Variants in ARHGAP21 observed in about 807,000 individuals in gnomAD.
The protein encoded by ARHGAP21 is Rho GTPase activating protein 21.
In ARHGAP21, 38 loss-of-function variants were observed where a neutral mutation model predicts 164.6. That is an observed-to-expected ratio of 0.23 (90% CI 0.18 to 0.30). ARHGAP21 has a LOEUF of 0.30. ARHGAP21 is among the 10% of genes least tolerant of loss of function. ARHGAP21 has a pLI of 1.00. For missense variants in ARHGAP21, 1,822 were observed against 2,370.7 expected (o/e 0.77, Z 4.81); for synonymous variants, 766 against 857.9 (o/e 0.89, Z 1.87).
intron 8 of ARHGAP21, 62 bp from the exon 9 acceptor site, chr10:24,621,431 T>A: frequency 1.4e-6 from 2 of 1,406,374 alleles, no homozygotes; most frequent in Non-Finnish European, 1.9e-6. Flanking sequence ...AATTTCCATT[T>A]TTACAGTGCA....
At chr10:24,631,696 C>T (rs1379529480) in intron 6 of ARHGAP21, among the ~76,000 whole-genome samples, 6 of 152,152 alleles carry the variant, frequency 3.9e-5, no homozygotes, top group Non-Finnish European at 8.8e-5. Context: ...AGATAAACTC[C>T]TGTGCAAGGA....
At chr10:24,710,421 T>G (rs902657571) in intron 2 of ARHGAP21, among the ~76,000 whole-genome samples, 1 of 152,208 alleles carries the variant, frequency 6.6e-6, no homozygotes, top group African/African-American at 2.4e-5. Flanking sequence ...AGATTTTCCC[T>G]GATCTCTACA....
intron 4 of ARHGAP21, among the ~76,000 whole-genome samples, chr10:24,655,851 C>T (rs1323770809): frequency 2.3e-5 from 3 of 131,026 alleles, no homozygotes; most frequent in East Asian, 2.4e-4. Context: ...ATGTGGGGAG[C>T]GCCTCTGCCC....
At position 24,619,790 on chromosome 10, in the gene ARHGAP21, G is replaced by A. The variant is rs370213253; in HGVS notation, c.2105C>T (p.Thr702Ile). The A allele has an allele frequency of 1.9e-6, 3 of 1,614,010 alleles. No individual in the cohort carries two copies. The highest frequency in any genetic ancestry group is 1.3e-5 in the African/African-American group (1 of 74,902). Residue 702 changes from threonine to isoleucine, a missense_variant, in exon 9 of 26, where the codon ACT becomes ATT. By Grantham distance (89) the Thr-to-Ile change is moderately conservative (BLOSUM62 -1). Coordinates refer to ENST00000396432, the MANE Select transcript of ARHGAP21 (RefSeq NM_020824.4). ...ACTGACAGGTAGTTCTAAATCTGAA[G>A]TACCAGCGTTTTCACTCGACTGAGG... ...PAPQSSENAG[T>I]SDLELPVSQR...
intron 2 of ARHGAP21, among the ~76,000 whole-genome samples, chr10:24,673,717 C>A (rs1840935892): frequency 6.6e-6 from 1 of 152,030 alleles, no homozygotes; most frequent in Admixed American, 6.6e-5. Flanking sequence ...CAAAAATTAG[C>A]TGGGTGTGGT....
intron 25 of ARHGAP21, 120 bp from the exon 26 acceptor site, chr10:24,586,226 T>A: frequency 7.8e-7 from 1 of 1,285,308 alleles, no homozygotes. Context: ...CTGGAAGCAT[T>A]AACAGTGCAA....
intron 2 of ARHGAP21, among the ~76,000 whole-genome samples, chr10:24,685,602 G>A (rs1384744251): frequency 6.6e-6 from 1 of 152,150 alleles, no homozygotes; most frequent in Admixed American, 6.5e-5. Flanking sequence ...CTTGGCTGGT[G>A]CAGTGGCTCA....
In ARHGAP21 at chr10:24,584,570, T is replaced by C. The variant is rs1171805742; in HGVS notation, c.5719A>G (p.Asn1907Asp). The C allele has an allele frequency of 1.2e-6, 2 of 1,613,946 alleles. No individual in the cohort carries two copies. The highest frequency in any genetic ancestry group is 1.7e-6 in the Non-Finnish European group (2 of 1,179,856). ...GSSSSTLAST[N>D]RPLLSIPPQS... The stretch of plus-strand genomic sequence containing the variant: ...GGTGGTATGGAAAGAAGGGGCCTGT[T>C]TGTTGAAGCCAAGGTGCTGGAAGAA... The change falls in exon 26 of 26, where the codon AAC becomes GAC. Residue 1907 changes from asparagine to aspartate, a missense_variant. This residue lies in a region of ARHGAP21 where 165 missense variants were observed against 176.6 expected (regional missense o/e 0.93). Transcript: ENST00000396432.
chr10:24,591,730 T>A, intron 22 of ARHGAP21, 47 bp from the exon 23 acceptor site: 2 of 1,607,818 alleles, frequency 1.2e-6, no homozygotes, highest in Non-Finnish European at 1.7e-6. Context: ...AGCCTTTAAA[T>A]ATACTGAGAT....
chr10:24,642,301 G>A (rs1837123591), intron 4 of ARHGAP21, among the ~76,000 whole-genome samples: 1 of 151,842 alleles, frequency 6.6e-6, no homozygotes, highest in South Asian at 2.1e-4. Flanking sequence ...GGATCACGAG[G>A]TCAGGAGATC....
intron 19 of ARHGAP21, 60 bp from the exon 20 acceptor site, chr10:24,595,250 G>A: frequency 2.2e-6 from 3 of 1,383,996 alleles, no homozygotes; most frequent in East Asian, 2.3e-5. Context: ...TTGTAATCTA[G>A]TTTCCCTTTA....
chr10:24,645,397 A>G (rs1163979973), intron 4 of ARHGAP21, among the ~76,000 whole-genome samples: 1 of 152,074 alleles, frequency 6.6e-6, no homozygotes, highest in Non-Finnish European at 1.5e-5. Flanking sequence ...CCTGGCCAAC[A>G]TGGTGAAACC....
In ARHGAP21 at chr10:24,620,880, G is replaced by A. The variant is rs769823141; in HGVS notation, c.1015C>T (p.Leu339=). 45 of 1,613,840 alleles carry A rather than the reference G, an allele frequency of 2.8e-5. No individual in the cohort carries two copies. Among genetic ancestry groups the A allele is most frequent in the Non-Finnish European group, 3.6e-5 (42 of 1,179,874 alleles). The change falls in exon 9 of 26, where the codon CTG becomes TTG. Residue 339 remains leucine (L), a synonymous_variant. Transcript: ENST00000396432. ...LIHQPAGSRS[L]EPSGILLKSG... ...TTAAGTAAAATTCCAGAAGGTTCCA[G>A]TGATCTGGAGCCTGCAGGCTGATGA...
At chr10:24,719,386 C>T (rs1319696600) in intron 2 of ARHGAP21, among the ~76,000 whole-genome samples, 1 of 152,098 alleles carries the variant, frequency 6.6e-6, no homozygotes, top group Non-Finnish European at 1.5e-5. Flanking sequence ...AATTGCAATG[C>T]TTAAGATGAA....
chr10:24,604,387 C>CT, intron 11 of ARHGAP21, 39 bp from the exon 12 acceptor site: 1 of 1,387,910 alleles, frequency 7.2e-7, no homozygotes, highest in Non-Finnish European at 1.0e-6. Flanking sequence ...TCAATTAGTG[C>CT]AAAAAAAATC....
At chr10:24,649,842 C>T (rs1837977335) in intron 4 of ARHGAP21, among the ~76,000 whole-genome samples, 1 of 152,036 alleles carries the variant, frequency 6.6e-6, no homozygotes, top group Non-Finnish European at 1.5e-5. Context: ...AAAAATTCCG[C>T]TTACCATGTC....
intron 9 of ARHGAP21, among the ~76,000 whole-genome samples, chr10:24,608,191 C>T (rs1161657132): frequency 6.6e-6 from 1 of 152,130 alleles, no homozygotes; most frequent in Non-Finnish European, 1.5e-5. Context: ...ATAGGTACCT[C>T]GAACCTAAAC....
At chr10:24,648,695 G>A in intron 4 of ARHGAP21, 1 of 588,150 alleles carries the variant, frequency 1.7e-6, no homozygotes, top group Non-Finnish European at 2.1e-6. Flanking sequence ...CAGGAGAATT[G>A]CTTGAACCCA....
intron 4 of ARHGAP21, among the ~76,000 whole-genome samples, chr10:24,656,410 C>A (rs1394939396): frequency 1.1e-5 from 1 of 94,746 alleles, no homozygotes; most frequent in Non-Finnish European, 2.2e-5. Context: ...GCCCTCCGCC[C>A]GGCCAGCCGC....
Sources: gnomAD v4.1 joint callset for allele counts (sites outside exome capture counted in the v4.1 genomes callset) on GRCh38, gnomAD v4.1.1 for gene constraint, gnomAD v4.1.1 regional missense constraint, MANE v1.5 for transcripts, NCBI Gene and HGNC (gene_info 2026-07-23, HGNC 2026-07-21) for gene names.